Variants in SLC20A2 observed in about 807,000 individuals in gnomAD.
SLC20A2 encodes solute carrier family 20 member 2.
A neutral mutation model predicts 61.0 loss-of-function variants in SLC20A2; 30 were observed. That is an observed-to-expected ratio of 0.49 (90% CI 0.37 to 0.67). The LOEUF (loss-of-function observed/expected upper bound fraction) is 0.67, where lower values mean the gene tolerates loss of function less well. SLC20A2 is among the 30% of genes least tolerant of loss of function. The pLI, the probability that SLC20A2 is intolerant of heterozygous loss-of-function variation, is 0.00. For missense variants in SLC20A2, 626 were observed against 866.4 expected (o/e 0.72, Z 3.48); for synonymous variants, 351 against 353.3 (o/e 0.99, Z 0.07).
chr8:42,527,387 A>T (rs1043460536), intron 1 of SLC20A2, among the ~76,000 whole-genome samples: 3 of 151,942 alleles, frequency 2.0e-5, no homozygotes, highest in Non-Finnish European at 4.4e-5. Context: ...TAAGGAAAAA[A>T]AAAAAAGAAA....
intron 1 of SLC20A2, among the ~76,000 whole-genome samples, chr8:42,492,841 G>A (rs764389530): frequency 4.6e-5 from 7 of 151,916 alleles, no homozygotes; most frequent in South Asian, 2.1e-4. Flanking sequence ...CCACGTGCCC[G>A]GCTAACTTTT....
At chr8:42,467,792 C>A (rs73631799) in intron 2 of SLC20A2, among the ~76,000 whole-genome samples, 1 of 152,132 alleles carries the variant, frequency 6.6e-6, no homozygotes, top group African/African-American at 2.4e-5. Flanking sequence ...CCGCGGACAC[C>A]TCCTTAAGCC....
chr8:42,512,762 A>C (rs1423218836), intron 1 of SLC20A2, among the ~76,000 whole-genome samples: 1 of 152,262 alleles, frequency 6.6e-6, no homozygotes, highest in African/African-American at 2.4e-5. Flanking sequence ...TCTTATTTAA[A>C]ATTATTAAAG....
At chr8:42,435,631 AGGTGGGGTG>A (rs896117564) in intron 8 of SLC20A2, among the ~76,000 whole-genome samples, 23 of 143,522 alleles carry the variant, frequency 1.6e-4, no homozygotes, top group African/African-American at 4.8e-4. Context: ...GGGGTGGGGC[AGGTGGGGTG>A]GGTGGGGTCA....
At chr8:42,445,184 C>G (rs149540384) in intron 5 of SLC20A2, among the ~76,000 whole-genome samples, 2,248 of 152,038 alleles carry the variant, frequency 0.015, 48 homozygotes, top group African/African-American at 0.05. Flanking sequence ...CCCAGCTACT[C>G]GGGAGGCTGA....
At chr8:42,482,425 C>G (rs1482351265) in intron 1 of SLC20A2, among the ~76,000 whole-genome samples, 2 of 151,728 alleles carry the variant, frequency 1.3e-5, no homozygotes, top group East Asian at 3.9e-4. Flanking sequence ...CCAATCCCAG[C>G]AGTTTGGACA....
intron 1 of SLC20A2, among the ~76,000 whole-genome samples, chr8:42,527,716 C>T (rs1248581765): frequency 1.3e-5 from 2 of 151,578 alleles, no homozygotes; most frequent in Non-Finnish European, 2.9e-5. Flanking sequence ...TGCGGTGAGC[C>T]GAGATCGCGC....
intron 1 of SLC20A2, among the ~76,000 whole-genome samples, chr8:42,522,909 T>TG (rs1186514012): frequency 0.22 from 9,341 of 43,392 alleles, 489 homozygotes; most frequent in Middle Eastern, 0.36. Flanking sequence ...GATGGCGGGG[T>TG]GGGGGGGGTC....
chr8:42,540,777 G>A (rs1275580611), intron 1 of SLC20A2: 1 of 152,212 alleles, frequency 6.6e-6, no homozygotes, highest in Non-Finnish European at 1.5e-5. Context: ...TTATCTGCAA[G>A]GTGGCACCAG....
chr8:42,434,976 C>T (rs1804142399), intron 8 of SLC20A2, among the ~76,000 whole-genome samples: 1 of 152,050 alleles, frequency 6.6e-6, no homozygotes, highest in African/African-American at 2.4e-5. Flanking sequence ...TGTTACTTTT[C>T]CACGGATATG....
intron 1 of SLC20A2, among the ~76,000 whole-genome samples, chr8:42,489,369 C>T (rs1189447770): frequency 6.6e-6 from 1 of 152,132 alleles, no homozygotes; most frequent in African/African-American, 2.4e-5. Flanking sequence ...GTAATGGCTG[C>T]TCTGAAGACT....
intron 5 of SLC20A2, among the ~76,000 whole-genome samples, chr8:42,454,819 C>T (rs1168060630): frequency 2.0e-5 from 3 of 152,070 alleles, no homozygotes; most frequent in Non-Finnish European, 4.4e-5. Flanking sequence ...GATGCTCCTC[C>T]TCAGCCTTCT....
chr8:42,492,476 C>T (rs929346760), intron 1 of SLC20A2, among the ~76,000 whole-genome samples: 3 of 151,978 alleles, frequency 2.0e-5, no homozygotes, highest in African/African-American at 4.8e-5. Context: ...TAGAAAGACA[C>T]GAGATGATGA....
At chr8:42,451,348 T>C (rs1197271045) in intron 5 of SLC20A2, among the ~76,000 whole-genome samples, 1 of 95,446 alleles carries the variant, frequency 1.0e-5, no homozygotes, top group Admixed American at 1.1e-4. Flanking sequence ...GAGGAAGAGA[T>C]GGAGGAGGAG....
At chr8:42,541,424 TAG>T (rs1431188047) in intron 1 of SLC20A2, 3 of 129,550 alleles carry the variant, frequency 2.3e-5, no homozygotes, top group South Asian at 2.5e-4. Context: ...CGCGGCGCGG[TAG>T]GGGAAAGGAG....
chr8:42,482,730 A>C (rs900055271), intron 1 of SLC20A2, among the ~76,000 whole-genome samples: 1 of 136,048 alleles, frequency 7.4e-6, no homozygotes, highest in Non-Finnish European at 1.7e-5. Flanking sequence ...TTTAAAAAAA[A>C]CAAAACTGTA....
At chr8:42,449,939 C>A (rs1257334047) in intron 5 of SLC20A2, among the ~76,000 whole-genome samples, 1 of 152,110 alleles carries the variant, frequency 6.6e-6, no homozygotes, top group African/African-American at 2.4e-5. Flanking sequence ...CAATATGCTG[C>A]GGATATCTTC....
intron 1 of SLC20A2, among the ~76,000 whole-genome samples, chr8:42,477,839 A>G (rs1808243413): frequency 6.6e-6 from 1 of 152,106 alleles, no homozygotes. Context: ...AAAGGGCGCT[A>G]AGAAAAAAAC....
At chr8:42,468,030 G>C (rs560349304) in intron 2 of SLC20A2, among the ~76,000 whole-genome samples, 96 of 151,748 alleles carry the variant, frequency 6.3e-4, no homozygotes, top group African/African-American at 2.2e-3. Context: ...AGCCTCCCGA[G>C]TAGCTGGGAC....
Sources: allele counts gnomAD v4.1 joint callset (sites outside exome capture counted in the v4.1 genomes callset), GRCh38; gene constraint gnomAD v4.1.1; transcripts MANE v1.5; gene names NCBI Gene and HGNC (gene_info 2026-07-23, HGNC 2026-07-21).